HDAC3: variants seen among roughly 807,000 people sequenced by gnomAD.
HDAC3 encodes the protein SMAP45.
A neutral mutation model predicts 62.3 loss-of-function variants in HDAC3; 21 were observed. The ratio of observed to expected loss-of-function variants is 0.34; its 90% CI spans 0.24 to 0.49. The LOEUF is 0.49. HDAC3 is among the 20% of genes least tolerant of loss of function. The pLI is 0.99. For missense variants in HDAC3, 270 were observed against 556.9 expected, an observed-to-expected ratio of 0.48 and a Z score of 5.19; for synonymous variants, 198 against 206.5, an observed-to-expected ratio of 0.96 and a Z score of 0.35.
Position 141,628,697 on chromosome 5 carries a change from T to C in HDAC3, c.611-58A>G. ...GGGAAGCACCCACAACCCAGCTGTTTCAGCCCCAATCTGCACTCTGGGAGC... is the reference window on the plus strand; with the variant it reads ...GGGAAGCACCCACAACCCAGCTGTTCCAGCCCCAATCTGCACTCTGGGAGC... On this transcript the variant is annotated intron_variant, in intron 7 of 14. Coordinates refer to ENST00000305264, the MANE Select transcript of HDAC3 (RefSeq NM_003883.4). This position sits in a 1 kb window ranked among gnomAD's most constrained non-coding sequence, Gnocchi z 4.7. 2 of 1,279,646 alleles carry C rather than the reference T, an allele frequency of 1.6e-6. No individual in the cohort carries two copies. Among genetic ancestry groups the C allele is most frequent in the Non-Finnish European group, 2.3e-6 (2 of 881,706 alleles). 79.3% of individuals were successfully genotyped at this position (1,279,646 alleles called of 1,614,324 possible). A position where few individuals can be genotyped will look rare whatever the true frequency, so the allele number is the denominator to read the frequency against.
Position 141,636,834 on chromosome 5 carries a change from C to T in HDAC3, c.-44G>A. Reference sequence around the variant, plus strand: ...CCCCGCACCTCCGCCGCCCGCCGCCCGCGGCCGCCGCCAGCCCCTCCCCGG... The same window carrying T: ...CCCCGCACCTCCGCCGCCCGCCGCCTGCGGCCGCCGCCAGCCCCTCCCCGG... On this transcript the variant is annotated 5_prime_UTR_variant, in exon 1 of 15. Transcript: ENST00000305264. The T allele has an allele frequency of 1.4e-6, 2 of 1,429,986 alleles. No individual in the cohort carries two copies. The highest frequency in any genetic ancestry group is 1.8e-6 in the Non-Finnish European group (2 of 1,092,182). 88.6% of individuals were successfully genotyped at this position (1,429,986 alleles called of 1,614,324 possible). A position where few individuals can be genotyped will look rare whatever the true frequency, so the allele number is the denominator to read the frequency against.
rs2545027 is a variant in HDAC3, at chr5:141,636,816, C to T, written c.-26G>A. On this transcript the variant is annotated 5_prime_UTR_variant, in exon 1 of 15. In the 5' UTR this introduces an upstream ATG that the reference lacks. Coordinates refer to ENST00000305264, the MANE Select transcript of HDAC3 (RefSeq NM_003883.4). The stretch of plus-strand genomic sequence containing the variant: ...GGTGCCGGCGGGAGCAGGCCCCGCA[C>T]CTCCGCCGCCCGCCGCCCGCGGCCG... 2.0e-6 allele frequency: 3 copies of T among 1,503,890 alleles called. No homozygotes were observed. The highest frequency in any genetic ancestry group is 1.8e-6 in the Non-Finnish European group (2 of 1,131,152). 93.2% of individuals were successfully genotyped at this position (1,503,890 alleles called of 1,614,324 possible).
At position 141,625,444 on chromosome 5, in the gene HDAC3, C is replaced by G. The variant is rs1042074676; in HGVS notation, c.1060-79G>C. 1 of 1,505,974 alleles carries G rather than the reference C, an allele frequency of 6.6e-7. No individual in the cohort carries two copies. The highest frequency in any genetic ancestry group is 1.4e-5 in the African/African-American group (1 of 72,258). 93.3% of individuals were successfully genotyped at this position (1,505,974 alleles called of 1,614,324 possible). A position where few individuals can be genotyped will look rare whatever the true frequency, so the allele number is the denominator to read the frequency against. ...TGGAATCTCCTAGCTGCCTTTTACCCCTACCATACTGGTTTTCATCTCAGT... is the reference window on the plus strand; with the variant it reads ...TGGAATCTCCTAGCTGCCTTTTACCGCTACCATACTGGTTTTCATCTCAGT... On this transcript the variant is annotated intron_variant, in intron 13 of 14. Transcript: ENST00000305264. The surrounding 1 kb of genome is among the most constrained non-coding windows in gnomAD (Gnocchi z 4.0).
chr5:141,632,184 A>T (rs527358848), intron 3 of HDAC3, among the ~76,000 whole-genome samples: 66 of 152,418 alleles, frequency 4.3e-4, no homozygotes, highest in African/African-American at 1.5e-3. Flanking sequence ...GCCACCACAC[A>T]TGACTAATTT....
rs972267910 is a variant in HDAC3 at position 141,630,263 on chromosome 5, CA to C, written c.282-139del. The C allele has an allele frequency of 8.7e-5, 66 of 762,802 alleles. No individual in the cohort carries two copies. The African/African-American group carries it at 1.1e-3, about 13-fold the overall frequency. The allele number at this position is 762,802 out of a possible 1,614,324, so 47.3% of individuals were successfully genotyped here. A position where few individuals can be genotyped will look rare whatever the true frequency, so the allele number is the denominator to read the frequency against. ...CTCTCCTACACACGTGGGCTATCTG[CA>C]AATTTATTCAACAAATATTTTGGAC... On this transcript the variant is annotated intron_variant, in intron 3 of 14. Transcript: ENST00000305264.
chr5:141,632,020 ATTTTTTT>A (rs376573720), intron 3 of HDAC3, among the ~76,000 whole-genome samples: 1 of 136,970 alleles, frequency 7.3e-6, no homozygotes, highest in South Asian at 2.3e-4. Context: ...GAGGTCTGGA[ATTTTTTT>A]TTTTTTTTTT....
intron 3 of HDAC3, among the ~76,000 whole-genome samples, chr5:141,631,553 G>A (rs2099905221): frequency 6.6e-6 from 1 of 152,202 alleles, no homozygotes; most frequent in African/African-American, 2.4e-5. Context: ...CAATGTGATG[G>A]TGTAAGAAGA....
chr5:141,624,355 C>T (rs2099904136), intron 14 of HDAC3, among the ~76,000 whole-genome samples: 1 of 99,696 alleles, frequency 1.0e-5, no homozygotes, highest in African/African-American at 4.0e-5. Context: ...GGCAACAAGG[C>T]AAGACTCCGT....
At chr5:141,621,915 A>T (rs548989536) in intron 14 of HDAC3, among the ~76,000 whole-genome samples, 17 of 152,376 alleles carry the variant, frequency 1.1e-4, no homozygotes, top group African/African-American at 3.4e-4. Context: ...AATTTCAGAC[A>T]GGACTATTGG....
rs2154597795 is a variant in HDAC3 at position 141,625,782 on chromosome 5, A to G, written c.980-18T>C. 1.2e-6 allele frequency: 2 copies of G among 1,608,786 alleles called. No individual in the cohort carries two copies. Among genetic ancestry groups the G allele is most frequent in the South Asian group, 1.1e-5 (1 of 90,948 alleles). ...GAAGTATTCTTGGGGAGGAGAGGAG[A>G]AAGTATGGCTCAGACTGAGAAAGGC... On this transcript the variant is annotated intron_variant, in intron 12 of 14. Transcript: ENST00000305264. This position sits in a 1 kb window ranked among gnomAD's most constrained non-coding sequence, Gnocchi z 4.0.
rs1017438048 is a variant in HDAC3 at position 141,629,575 on chromosome 5, T to C, written c.476+109A>G. ...GCAGCCTGAATAAAGCATCAAGAAC[T>C]TGGGAGAAGCTAATCAGGGAGGAGG... On this transcript the variant is annotated intron_variant, in intron 6 of 14. Transcript: ENST00000305264. The surrounding 1 kb of genome is among the most constrained non-coding windows in gnomAD (Gnocchi z 5.3). The C allele has an allele frequency of 4.0e-5, 46 of 1,137,940 alleles. No homozygotes were observed. The Admixed American group carries it at 7.6e-4, about 19-fold the overall frequency. 70.5% of individuals were successfully genotyped at this position (1,137,940 alleles called of 1,614,324 possible).
chr5:141,625,057 T>C lies in HDAC3; in HGVS notation c.1217+151A>G. 1.3e-6 allele frequency: 1 copy of C among 787,548 alleles called. No individual in the cohort carries two copies. The highest frequency in any genetic ancestry group is 2.0e-6 in the Non-Finnish European group (1 of 502,932). The allele number at this position is 787,548 out of a possible 1,614,324, so 48.8% of individuals were successfully genotyped here. ...AATAAATACGTGTTACTTTTGTCAT[T>C]AAAAATAACAAAGAAAAGAGTGAGG... On this transcript the variant is annotated intron_variant, in intron 14 of 14. Transcript: ENST00000305264. This position sits in a 1 kb window ranked among gnomAD's most constrained non-coding sequence, Gnocchi z 4.0.
rs972830501 is a variant in HDAC3 at position 141,625,586 on chromosome 5, C to T, written c.1059+99G>A. The T allele has an allele frequency of 1.6e-6, 2 of 1,274,284 alleles. No individual in the cohort carries two copies. The highest frequency in any genetic ancestry group is 3.5e-5 in the Admixed American group (2 of 56,616). The allele number at this position is 1,274,284 out of a possible 1,614,324, so 78.9% of individuals were successfully genotyped here. On this transcript the variant is annotated intron_variant, in intron 13 of 14. Coordinates refer to ENST00000305264, the MANE Select transcript of HDAC3 (RefSeq NM_003883.4). This position sits in a 1 kb window ranked among gnomAD's most constrained non-coding sequence, Gnocchi z 4.0. ...TAACAGTGACTGTGATGGCTTAGAACTTCCTTCTCTTTGGTTTTTCCTACT... is the reference window on the plus strand; with the variant it reads ...TAACAGTGACTGTGATGGCTTAGAATTTCCTTCTCTTTGGTTTTTCCTACT...
At chr5:141,627,069 A>C (rs1431175167) in intron 10 of HDAC3, among the ~76,000 whole-genome samples, 2 of 152,144 alleles carry the variant, frequency 1.3e-5, no homozygotes, top group Non-Finnish European at 2.9e-5. Context: ...CAGGGTTTAA[A>C]GGCTCTGCAC....
At chr5:141,636,835 GCGGCCGCCGCCAGCCCCTCCC>G (rs754255290) in exon 1 of HDAC3, 6 of 1,431,110 alleles carry the variant, frequency 4.2e-6, no homozygotes, top group Admixed American at 3.0e-5. Flanking sequence ...CCCGCCGCCC[GCGGCCGCCGCCAGCCCCTCCC>G]CGGCCGTGCG....
chr5:141,627,824 C>A, intron 10 of HDAC3, 69 bp downstream of exon 10: 1 of 1,361,278 alleles, frequency 7.3e-7, no homozygotes, highest in Non-Finnish European at 1.1e-6. Context: ...TCCCCAACTA[C>A]CCCCACCCAC....
chr5:141,630,212 C>T, intron 3 of HDAC3, 87 bp from the exon 4 acceptor site: 3 of 1,257,666 alleles, frequency 2.4e-6, no homozygotes, highest in South Asian at 1.2e-5. Context: ...TTCCTCCAAT[C>T]TCCATTTTTC....
Position 141,628,269 on chromosome 5 carries a change from A to G in HDAC3, c.692-82T>C. The G allele has an allele frequency of 8.2e-7, 1 of 1,224,742 alleles. No homozygotes were observed. Among genetic ancestry groups the G allele is most frequent in the South Asian group, 1.2e-5 (1 of 81,152 alleles). The allele number at this position is 1,224,742 out of a possible 1,614,324, so 75.9% of individuals were successfully genotyped here. A position where few individuals can be genotyped will look rare whatever the true frequency, so the allele number is the denominator to read the frequency against. On this transcript the variant is annotated intron_variant, in intron 8 of 14. Coordinates refer to ENST00000305264, the MANE Select transcript of HDAC3 (RefSeq NM_003883.4). This position sits in a 1 kb window ranked among gnomAD's most constrained non-coding sequence, Gnocchi z 4.7. ...ACAAAAGGAAAAAGGGGGTTGAGCG[A>G]GCATGTAGCCCAGGAAAGGGGCCAC...
Position 141,628,798 on chromosome 5 carries a change from C to A in HDAC3, c.611-159G>T, listed in dbSNP as rs75411375. ...TCTCTTGCAGCTTGCATTCATTGGG[C>A]AAATAGTTTTGGGGGATCCACTCTG... On this transcript the variant is annotated intron_variant, in intron 7 of 14. Coordinates refer to ENST00000305264, the MANE Select transcript of HDAC3 (RefSeq NM_003883.4). The surrounding 1 kb of genome is among the most constrained non-coding windows in gnomAD (Gnocchi z 4.7). Among the ~76,000 whole-genome samples, 588 of 152,252 alleles carry A rather than the reference C, an allele frequency of 3.9e-3. 3 individuals are homozygous for A. Among genetic ancestry groups the A allele is most frequent in the African/African-American group, 0.013 (530 of 41,562 alleles).
Sources: allele counts gnomAD v4.1 joint callset (sites outside exome capture counted in the v4.1 genomes callset), GRCh38; gene constraint gnomAD v4.1.1; non-coding constraint Gnocchi (gnomAD v3.1); transcripts MANE v1.5; gene names NCBI Gene and HGNC (gene_info 2026-07-23, HGNC 2026-07-21).